Variants in AFF3 observed in about 807,000 individuals in gnomAD.
The protein encoded by AFF3 is ALF transcription elongation factor 3, also known as AF4/FMR2 family member 3.
In AFF3, 32 loss-of-function variants were observed where a neutral mutation model predicts 129.7. The ratio of observed to expected loss-of-function variants is 0.25; its 90% CI spans 0.19 to 0.33. The LOEUF (loss-of-function observed/expected upper bound fraction) is 0.33, where lower values mean the gene tolerates loss of function less well. Ranked by LOEUF, AFF3 falls within the 10% of genes least tolerant of loss-of-function variation. AFF3 has a pLI of 1.00. For missense variants in AFF3, 1,373 were observed against 1,592.0 expected (o/e 0.86, Z 2.34); for synonymous variants, 644 against 635.4 (o/e 1.01, Z -0.20).
At chr2:99,966,689 CAAAAAAAAAAAAAAAAA>C (rs61351679) in intron 7 of AFF3, among the ~76,000 whole-genome samples, 46 of 36,702 alleles carry the variant, frequency 1.3e-3, no homozygotes, top group South Asian at 2.4e-3. Context: ...GACTCCGTCT[CAAAAAAAAAAAAAAAAA>C]AAAAAAAAAA....
At chr2:99,923,426 T>A (rs2106259207) in intron 7 of AFF3, among the ~76,000 whole-genome samples, 1 of 152,326 alleles carries the variant, frequency 6.6e-6, no homozygotes, top group East Asian at 1.9e-4. Context: ...GGCTCTGGAC[T>A]AAAGAATCAG....
chr2:99,940,742 T>C (rs1482557942), intron 7 of AFF3, among the ~76,000 whole-genome samples: 1 of 152,170 alleles, frequency 6.6e-6, no homozygotes, highest in African/African-American at 2.4e-5. Flanking sequence ...CCCTTTACTT[T>C]CTTAATAAAC....
At chr2:99,866,358 A>G (rs942832353) in intron 7 of AFF3, among the ~76,000 whole-genome samples, 9 of 152,216 alleles carry the variant, frequency 5.9e-5, no homozygotes, top group African/African-American at 2.2e-4. Context: ...GGAGACCTGC[A>G]AAAATAGGCT....
chr2:99,900,197 T>C (rs1381198829), intron 7 of AFF3, among the ~76,000 whole-genome samples: 1 of 152,182 alleles, frequency 6.6e-6, no homozygotes, highest in Non-Finnish European at 1.5e-5. Flanking sequence ...GGAGACAGTA[T>C]TACCATCTCA....
At chr2:100,128,692 G>A (rs1692301244) in intron 2 of AFF3, among the ~76,000 whole-genome samples, 1 of 152,198 alleles carries the variant, frequency 6.6e-6, no homozygotes, top group Non-Finnish European at 1.5e-5. Flanking sequence ...TGGGACACAA[G>A]GGTAGAAATT....
intron 7 of AFF3, among the ~76,000 whole-genome samples, chr2:99,976,951 A>T (rs986961718): frequency 3.9e-5 from 6 of 152,332 alleles, no homozygotes; most frequent in African/African-American, 1.4e-4. Flanking sequence ...GTTTTCAAAT[A>T]CATGAAGGGT....
At chr2:99,650,605 G>GAAGGGCAGAGTGGGTGGGCACA (rs1342566480) in intron 12 of AFF3, among the ~76,000 whole-genome samples, 4 of 151,986 alleles carry the variant, frequency 2.6e-5, no homozygotes, top group African/African-American at 9.7e-5. Context: ...TACAGTGGGA[G>GAAGGGCAGAGTGGGTGGGCACA]AAGGGCAGAG....
intron 12 of AFF3, among the ~76,000 whole-genome samples, chr2:99,655,374 G>T (rs916457310): frequency 2.0e-5 from 3 of 152,044 alleles, no homozygotes; most frequent in African/African-American, 7.2e-5. Flanking sequence ...TACTAAGTAA[G>T]AAATAACAAA....
intron 13 of AFF3, among the ~76,000 whole-genome samples, chr2:99,645,740 A>G (rs1302883600): frequency 6.6e-6 from 1 of 152,216 alleles, no homozygotes; most frequent in Non-Finnish European, 1.5e-5. Context: ...AAATTTATGT[A>G]ACGGAAATAT....
intron 8 of AFF3, among the ~76,000 whole-genome samples, chr2:99,810,715 C>G (rs1686723044): frequency 6.6e-6 from 1 of 152,196 alleles, no homozygotes; most frequent in Non-Finnish European, 1.5e-5. Flanking sequence ...GAAAACAACA[C>G]AGATATATGA....
In AFF3 at chr2:99,645,779, T is replaced by C. The variant is rs375177069; in HGVS notation, c.1184+3847A>G. 1.4e-4 allele frequency among the ~76,000 whole-genome samples: 21 copies of C among 152,320 alleles called. 1 individual carries two copies. In the South Asian group the frequency reaches 1.7e-3, roughly 12 times the overall value. On this transcript the variant is annotated intron_variant, in intron 13 of 24. Transcript: ENST00000672756. ...AGTTTTAATTTATCAAGATGTTATATTGATTACAGAAGATTCTCTGAACTT... is the reference window on the plus strand; with the variant it reads ...AGTTTTAATTTATCAAGATGTTATACTGATTACAGAAGATTCTCTGAACTT...
At chr2:99,875,170 C>T (rs1055418078) in intron 7 of AFF3, among the ~76,000 whole-genome samples, 5 of 152,148 alleles carry the variant, frequency 3.3e-5, no homozygotes, top group Admixed American at 1.3e-4. Flanking sequence ...TTGTCCTGTA[C>T]CATCTCCTTG....
At chr2:99,837,565 T>C (rs906844538) in intron 7 of AFF3, 41 bp from the exon 8 acceptor site, 14 of 1,579,600 alleles carry the variant, frequency 8.9e-6, no homozygotes, top group Admixed American at 8.4e-5. Flanking sequence ...ATGGAATAGA[T>C]TGATGACCAC....
At chr2:99,735,424 T>G (rs546316931) in intron 10 of AFF3, among the ~76,000 whole-genome samples, 1 of 152,256 alleles carries the variant, frequency 6.6e-6, no homozygotes, top group Admixed American at 6.5e-5. Flanking sequence ...TGTTTTGGGT[T>G]TATTTTCTCT....
At chr2:99,953,601 A>G (rs1294887423) in intron 7 of AFF3, among the ~76,000 whole-genome samples, 1 of 152,220 alleles carries the variant, frequency 6.6e-6, no homozygotes, top group African/African-American at 2.4e-5. Context: ...CTCAAAATTT[A>G]TTTTTTCATC....
intron 7 of AFF3, among the ~76,000 whole-genome samples, chr2:99,943,691 C>T (rs1327383870): frequency 6.6e-6 from 1 of 152,156 alleles, no homozygotes; most frequent in South Asian, 2.1e-4. Context: ...TGTTGATCTA[C>T]TTCTAGTGAA....
chr2:99,715,907 C>T (rs1262822890), intron 11 of AFF3, among the ~76,000 whole-genome samples: 4 of 152,106 alleles, frequency 2.6e-5, no homozygotes, highest in Non-Finnish European at 5.9e-5. Flanking sequence ...CTCCTGACCT[C>T]GTGATCCGCC....
chr2:100,130,797 A>G (rs1198192927), intron 1 of AFF3, among the ~76,000 whole-genome samples: 2 of 152,150 alleles, frequency 1.3e-5, no homozygotes, highest in Admixed American at 1.3e-4. Context: ...AGACAGCCCC[A>G]CAGAGACAGA....
chr2:99,949,350 C>A (rs1285987933), intron 7 of AFF3, among the ~76,000 whole-genome samples: 1 of 152,082 alleles, frequency 6.6e-6, no homozygotes, highest in African/African-American at 2.4e-5. Flanking sequence ...AGTCCCCAAT[C>A]TTTTTGGCAG....
Sources: gnomAD v4.1 joint callset for allele counts (sites outside exome capture counted in the v4.1 genomes callset) on GRCh38, gnomAD v4.1.1 for gene constraint, MANE v1.5 for transcripts, NCBI Gene and HGNC (gene_info 2026-07-23, HGNC 2026-07-21) for gene names.